SLC35F3: variants seen among roughly 807,000 people sequenced by gnomAD.
SLC35F3 encodes the protein putative thiamine transporter SLC35F3.
Under a neutral mutation model 49.9 loss-of-function variants are expected in SLC35F3, and 25 were observed. The observed-to-expected ratio is 0.50, with a 90% CI of 0.37 to 0.70. The LOEUF (loss-of-function observed/expected upper bound fraction) is 0.70, where lower values mean the gene tolerates loss of function less well. SLC35F3 is among the 30% of genes least tolerant of loss of function. SLC35F3 has a pLI of 0.00. For synonymous variants in SLC35F3, 275 were observed against 265.4 expected (o/e 1.04, Z -0.35); for missense variants, 525 against 639.8 (o/e 0.82, Z 1.94).
chr1:234,186,794 G>C (rs897738802), intron 2 of SLC35F3, among the ~76,000 whole-genome samples: 1 of 152,096 alleles, frequency 6.6e-6, no homozygotes, highest in Non-Finnish European at 1.5e-5. Flanking sequence ...CAACCTGCAG[G>C]GTAGGTATTA....
At chr1:234,164,851 G>T (rs988921841) in intron 2 of SLC35F3, among the ~76,000 whole-genome samples, 1 of 140,764 alleles carries the variant, frequency 7.1e-6, no homozygotes. Flanking sequence ...TGGGGGGGGG[G>T]GTTGGCACAG....
intron 2 of SLC35F3, among the ~76,000 whole-genome samples, chr1:234,110,875 T>C (rs1665395694): frequency 6.6e-6 from 1 of 152,200 alleles, no homozygotes; most frequent in South Asian, 2.1e-4. Context: ...CCAAATAGGA[T>C]GTCAAGTAAG....
chr1:234,229,243 G>A (rs530045872), intron 2 of SLC35F3, among the ~76,000 whole-genome samples: 2 of 150,200 alleles, frequency 1.3e-5, no homozygotes, highest in African/African-American at 2.4e-5. Context: ...TCCTTATAAC[G>A]CCTGTTAACT....
chr1:233,920,036 C>T (rs1314782186), intron 2 of SLC35F3, among the ~76,000 whole-genome samples: 1 of 152,120 alleles, frequency 6.6e-6, no homozygotes, highest in Non-Finnish European at 1.5e-5. Context: ...TTGTTAATGC[C>T]GTTTGCAGAT....
At chr1:233,916,046 G>A (rs532963665) in intron 2 of SLC35F3, among the ~76,000 whole-genome samples, 1 of 152,256 alleles carries the variant, frequency 6.6e-6, no homozygotes, top group Non-Finnish European at 1.5e-5. Flanking sequence ...ATTTTCCATG[G>A]CAAAAGTGCA....
chr1:234,030,151 A>G (rs1178078648), intron 2 of SLC35F3, among the ~76,000 whole-genome samples: 1 of 152,202 alleles, frequency 6.6e-6, no homozygotes, highest in Non-Finnish European at 1.5e-5. Context: ...ATTATCTTTC[A>G]CATAAATTAT....
intron 2 of SLC35F3, among the ~76,000 whole-genome samples, chr1:233,986,243 A>G (rs938732971): frequency 6.6e-6 from 1 of 152,068 alleles, no homozygotes; most frequent in Non-Finnish European, 1.5e-5. Context: ...TAATACATGT[A>G]TCTTTCTTTT....
chr1:234,087,612 C>T (rs1419626699), intron 2 of SLC35F3, among the ~76,000 whole-genome samples: 1 of 152,214 alleles, frequency 6.6e-6, no homozygotes, highest in Non-Finnish European at 1.5e-5. Flanking sequence ...TCATTCCATT[C>T]ATCAGACAAC....
chr1:234,001,483 C>G (rs1438189423), intron 2 of SLC35F3, among the ~76,000 whole-genome samples: 1 of 152,132 alleles, frequency 6.6e-6, no homozygotes, highest in Non-Finnish European at 1.5e-5. Context: ...GAAAAGTTTT[C>G]ATTTATATTG....
Position 233,949,208 on chromosome 1 carries a change from T to G in SLC35F3, c.283+43450T>G, listed in dbSNP as rs562814806. 4.6e-5 allele frequency among the ~76,000 whole-genome samples: 7 copies of G among 152,250 alleles called. No homozygotes were observed. The South Asian group carries it at 1.2e-3, about 27-fold the overall frequency. ...TGCCATTCTTCACACTCCTAACTTT[T>G]CCTCGAATGCCTCATTTTCTTTCCC... On this transcript the variant is annotated intron_variant, in intron 2 of 7. Coordinates refer to ENST00000366618, the MANE Select transcript of SLC35F3 (RefSeq NM_173508.4).
In SLC35F3 at chr1:234,068,827, A is replaced by T. The variant is rs1286493699; in HGVS notation, c.284-162590A>T. Reference sequence around the variant, plus strand: ...GACAGGATAAGATTTGAGACATTATATATATATATATATATATATATATAT... The same window carrying T: ...GACAGGATAAGATTTGAGACATTATTTATATATATATATATATATATATAT... On this transcript the variant is annotated intron_variant, in intron 2 of 7. Transcript: ENST00000366618. Among the ~76,000 whole-genome samples the T allele has an allele frequency of 1.2e-4, 8 of 66,434 alleles. 1 individual carries two copies. Among genetic ancestry groups the T allele is most frequent in the African/African-American group, 3.9e-4 (8 of 20,508 alleles). 43.6% of individuals were successfully genotyped at this position (66,434 alleles called of 152,430 possible).
At chr1:234,171,462 G>T (rs1286853000) in intron 2 of SLC35F3, among the ~76,000 whole-genome samples, 1 of 152,092 alleles carries the variant, frequency 6.6e-6, no homozygotes, top group Non-Finnish European at 1.5e-5. Context: ...CACAGAGGGG[G>T]GTGTCTGTGC....
chr1:234,296,219 G>A (rs1391083460), intron 3 of SLC35F3, among the ~76,000 whole-genome samples: 2 of 152,130 alleles, frequency 1.3e-5, no homozygotes, highest in African/African-American at 4.8e-5. Context: ...ACTAACAGCT[G>A]TCATTAGAGC....
At chr1:234,045,003 T>A (rs1435477481) in intron 2 of SLC35F3, among the ~76,000 whole-genome samples, 1 of 152,196 alleles carries the variant, frequency 6.6e-6, no homozygotes, top group East Asian at 1.9e-4. Context: ...TTGCAAAATC[T>A]TTACTCATGA....
chr1:234,119,560 G>T (rs537841953), intron 2 of SLC35F3, among the ~76,000 whole-genome samples: 104 of 152,286 alleles, frequency 6.8e-4, no homozygotes, highest in African/African-American at 2.4e-3. Context: ...TTGGTCATAG[G>T]CTGAGCTGAA....
chr1:234,109,506 T>C (rs1011647596), intron 2 of SLC35F3, among the ~76,000 whole-genome samples: 2 of 152,170 alleles, frequency 1.3e-5, no homozygotes, highest in Non-Finnish European at 2.9e-5. Context: ...GAGTCTCCCT[T>C]TCCATCTCAT....
intron 2 of SLC35F3, among the ~76,000 whole-genome samples, chr1:234,194,611 TA>T (rs1032833963): frequency 4.9e-5 from 7 of 142,906 alleles, no homozygotes; most frequent in African/African-American, 1.8e-4. Flanking sequence ...TTTAAAAAAT[TA>T]ATGCAATAAA....
intron 2 of SLC35F3, among the ~76,000 whole-genome samples, chr1:234,167,729 G>A (rs370112891): frequency 1.1e-4 from 16 of 152,066 alleles, no homozygotes; most frequent in South Asian, 8.3e-4. Flanking sequence ...CACATGTGCC[G>A]AGAAATCATA....
rs547464697 is a variant in SLC35F3 at position 234,273,323 on chromosome 1, T to C, written c.609-35778T>C. Among the ~76,000 whole-genome samples the C allele has an allele frequency of 1.2e-4, 19 of 152,368 alleles. No individual in the cohort carries two copies. The South Asian group carries it at 3.7e-3, about 30-fold the overall frequency. ...CGATGGCTTTCTTTGACTTTCTTTA[T>C]TGATGACTGCCCAGAAGGGCCCACA... On this transcript the variant is annotated intron_variant, in intron 3 of 7. Transcript: ENST00000366618.
Sources: allele counts gnomAD v4.1 joint callset (sites outside exome capture counted in the v4.1 genomes callset), GRCh38; gene constraint gnomAD v4.1.1; transcripts MANE v1.5; gene names NCBI Gene and HGNC (gene_info 2026-07-23, HGNC 2026-07-21).